Variants in TRPC6 observed in about 807,000 individuals in gnomAD.
TRPC6 encodes the protein short transient receptor potential channel 6.
In TRPC6, 55 loss-of-function variants were observed where a neutral mutation model predicts 90.7. The ratio of observed to expected loss-of-function variants is 0.61; its 90% confidence interval spans 0.49 to 0.76. The LOEUF (loss-of-function observed/expected upper bound fraction) is 0.76, where lower values mean the gene tolerates loss of function less well. Among genes scored for constraint, TRPC6 ranks in the 30% least tolerant of loss-of-function variants. The pLI is 0.00. For missense variants in TRPC6, 989 were observed against 1,122.7 expected (o/e 0.88, Z 1.70); for synonymous variants, 393 against 393.0 (o/e 1.00, Z 0.00).
chr11:101,580,440 C>T (rs1285868599), intron 1 of TRPC6, among the ~76,000 whole-genome samples: 1 of 152,110 alleles, frequency 6.6e-6, no homozygotes, highest in Non-Finnish European at 1.5e-5. Flanking sequence ...TTCTTCTGAA[C>T]ACCATTTCAA....
At chr11:101,489,871 G>A (rs1859764804) in intron 3 of TRPC6, among the ~76,000 whole-genome samples, 1 of 152,118 alleles carries the variant, frequency 6.6e-6, no homozygotes, top group Admixed American at 6.6e-5. Flanking sequence ...TGAGAGATAG[G>A]TAGAAAAGGA....
At chr11:101,550,764 G>T (rs1247480741) in intron 1 of TRPC6, among the ~76,000 whole-genome samples, 1 of 151,568 alleles carries the variant, frequency 6.6e-6, no homozygotes, top group Non-Finnish European at 1.5e-5. Context: ...AACCTCACTG[G>T]ACTGGAAAAA....
chr11:101,551,357 T>A (rs992676183), intron 1 of TRPC6, among the ~76,000 whole-genome samples: 1 of 152,010 alleles, frequency 6.6e-6, no homozygotes, highest in African/African-American at 2.4e-5. Context: ...AGTGACAATC[T>A]TAGTAACAAA....
chr11:101,484,786 C>T lies in TRPC6; in HGVS notation c.1294-1621G>A, dbSNP rs146651439. 5.5e-3 allele frequency among the ~76,000 whole-genome samples: 830 copies of T among 151,742 alleles called. 3 individuals carry two copies. The highest frequency in any genetic ancestry group is 0.019 in the African/African-American group (783 of 41,386). ...TCTTCCCATATACTTTAAATCATGC[C>T]GAGATTACTTATAATACGTAATATC... On this transcript the variant is annotated intron_variant, in intron 4 of 12. Transcript: ENST00000344327.
intron 2 of TRPC6, among the ~76,000 whole-genome samples, chr11:101,494,803 C>T (rs1422503550): frequency 6.6e-6 from 1 of 152,094 alleles, no homozygotes; most frequent in African/African-American, 2.4e-5. Context: ...ATTCCTAAGA[C>T]ATTTTCTTAA....
At chr11:101,549,845 A>G (rs1294921543) in intron 1 of TRPC6, among the ~76,000 whole-genome samples, 1 of 151,470 alleles carries the variant, frequency 6.6e-6, no homozygotes, top group Non-Finnish European at 1.5e-5. Context: ...TATAATTAAT[A>G]AAGCAATACT....
chr11:101,454,853 C>G (rs748349544), intron 11 of TRPC6, among the ~76,000 whole-genome samples, 165 bp downstream of exon 11: 1 of 151,816 alleles, frequency 6.6e-6, no homozygotes, highest in Non-Finnish European at 1.5e-5. Context: ...TTATATATCT[C>G]TGTCACTTAC....
chr11:101,578,621 T>C (rs2136901259), intron 1 of TRPC6, among the ~76,000 whole-genome samples: 1 of 152,296 alleles, frequency 6.6e-6, no homozygotes, highest in South Asian at 2.1e-4. Flanking sequence ...TTTTTGTTTT[T>C]TTCATGTGAG....
At chr11:101,559,838 A>G (rs1351500224) in intron 1 of TRPC6, among the ~76,000 whole-genome samples, 5 of 134,084 alleles carry the variant, frequency 3.7e-5, no homozygotes, top group African/African-American at 5.8e-5. Context: ...CCTGTGTCCA[A>G]GTGTTCTCAT....
At chr11:101,531,650 G>A (rs865945823) in intron 1 of TRPC6, among the ~76,000 whole-genome samples, 69 of 152,240 alleles carry the variant, frequency 4.5e-4, no homozygotes, top group African/African-American at 1.3e-3. Context: ...AATTTGAGGC[G>A]TTTTGTATTT....
chr11:101,460,832 G>A (rs1169842555), intron 10 of TRPC6, among the ~76,000 whole-genome samples: 2 of 152,142 alleles, frequency 1.3e-5, no homozygotes, highest in African/African-American at 4.8e-5. Context: ...GCCTGTATAT[G>A]TCAACCCCAA....
chr11:101,453,577 C>G, intron 12 of TRPC6, 73 bp downstream of exon 12: 1 of 1,407,038 alleles, frequency 7.1e-7, no homozygotes, highest in Non-Finnish European at 1.0e-6. Flanking sequence ...CTCTGCAGCT[C>G]TCCAGGCACT....
At position 101,459,088 on chromosome 11, in the gene TRPC6, A is replaced by C. The variant is rs1360822082; in HGVS notation, c.2485-3987T>G. On this transcript the variant is annotated intron_variant, in intron 10 of 12. Transcript: ENST00000344327. Reference sequence around the variant, plus strand: ...CAGTTTAATGTATGTCGTAAAACCAAGCCATGTGAAATGTGTCTCAAGTTT... The same window carrying C: ...CAGTTTAATGTATGTCGTAAAACCACGCCATGTGAAATGTGTCTCAAGTTT... Among the ~76,000 whole-genome samples the C allele has an allele frequency of 2.0e-5, 3 of 152,338 alleles. No individual in the cohort carries two copies. The East Asian group carries it at 5.8e-4, about 29-fold the overall frequency.
At position 101,452,120 on chromosome 11, in the gene TRPC6, A is replaced by T. The variant is rs904315258; in HGVS notation, c.*835T>A. ...TGTGCTATAATGGAACCAAACAACC[A>T]CAGTGTTTGTTTGGGGTTTTGATTT... On this transcript the variant is annotated 3_prime_UTR_variant, in exon 13 of 13. Coordinates refer to ENST00000344327, the MANE Select transcript of TRPC6 (RefSeq NM_004621.6). 8 of 152,134 alleles carry T rather than the reference A, an allele frequency of 5.3e-5. No individual in the cohort carries two copies. In the East Asian group the frequency reaches 1.5e-3, roughly 29 times the overall value. The allele number at this position is 152,134 out of a possible 1,614,324, so 9.4% of individuals were successfully genotyped here.
chr11:101,541,454 C>T (rs1053674551), intron 1 of TRPC6, among the ~76,000 whole-genome samples: 2 of 152,188 alleles, frequency 1.3e-5, no homozygotes, highest in Admixed American at 6.5e-5. Flanking sequence ...CTCCACCTTT[C>T]GGTTTCAAGC....
intron 1 of TRPC6, among the ~76,000 whole-genome samples, chr11:101,575,889 TTTC>T (rs1265073586): frequency 6.6e-6 from 1 of 152,278 alleles, no homozygotes; most frequent in Non-Finnish European, 1.5e-5. Flanking sequence ...AACGTGTGGC[TTTC>T]CAAATTCCTA....
intron 1 of TRPC6, among the ~76,000 whole-genome samples, chr11:101,537,601 G>C (rs1026560393): frequency 6.6e-6 from 1 of 152,024 alleles, no homozygotes; most frequent in Non-Finnish European, 1.5e-5. Context: ...AAGGGATCTT[G>C]GGAACTATTT....
At chr11:101,487,682 T>G (rs566879786) in intron 4 of TRPC6, among the ~76,000 whole-genome samples, 1 of 152,192 alleles carries the variant, frequency 6.6e-6, no homozygotes, top group African/African-American at 2.4e-5. Context: ...ACAGATGTCA[T>G]TTCTAGTAAA....
intron 1 of TRPC6, among the ~76,000 whole-genome samples, chr11:101,522,743 G>T (rs1036141014): frequency 1.2e-4 from 18 of 152,144 alleles, no homozygotes; most frequent in Non-Finnish European, 2.5e-4. Flanking sequence ...GCCTGCACCT[G>T]TTAGGTTCTC....
Sources: allele counts gnomAD v4.1 joint callset (sites outside exome capture counted in the v4.1 genomes callset), GRCh38; gene constraint gnomAD v4.1.1; transcripts MANE v1.5; gene names NCBI Gene and HGNC (gene_info 2026-07-23, HGNC 2026-07-21).